ELP4: variants seen among roughly 807,000 people sequenced by gnomAD.
The protein encoded by ELP4 is elongator complex protein 4.
Under a neutral mutation model 48.9 loss-of-function variants are expected in ELP4, and 51 were observed. The ratio of observed to expected loss-of-function variants is 1.04; its 90% CI spans 0.83 to 1.32. The LOEUF (loss-of-function observed/expected upper bound fraction) is 1.32, where lower values mean the gene tolerates loss of function less well. ELP4 is among the 40% of genes most tolerant of loss of function. ELP4 has a pLI of 0.00. For synonymous variants in ELP4, 210 were observed against 189.2 expected (o/e 1.11, Z -0.90); for missense variants, 519 against 514.6 (o/e 1.01, Z -0.08).
chr11:31,522,137 G>C (rs1198667602), intron 2 of ELP4, among the ~76,000 whole-genome samples: 3 of 152,122 alleles, frequency 2.0e-5, no homozygotes, highest in African/African-American at 7.2e-5. Context: ...AACATTACAT[G>C]TAAGAGAGAA....
Position 31,790,097 on chromosome 11 carries a change from C to CAAA in ELP4, c.*6594_*6596dup, listed in dbSNP as rs1171009926. On this transcript the variant is annotated 3_prime_UTR_variant, in exon 10 of 10. Transcript: ENST00000640961. ...CATGGAATACAAATTTATAGGTTTA[C>CAAA]AAAAAAAAAAAAAAAAAAAAAAACT... The CAAA allele has an allele frequency of 0.046, 6,611 of 145,110 alleles. 1,563 individuals are homozygous for CAAA. The highest frequency in any genetic ancestry group is 0.083 in the African/African-American group (1,726 of 20,806). The allele number at this position is 145,110 out of a possible 1,614,324, so 9.0% of individuals were successfully genotyped here.
At chr11:31,725,500 G>A (rs1206100688) in intron 9 of ELP4, among the ~76,000 whole-genome samples, 1 of 152,200 alleles carries the variant, frequency 6.6e-6, no homozygotes, top group Non-Finnish European at 1.5e-5. Flanking sequence ...TGCTTGACAG[G>A]AACAGGGACA....
intron 9 of ELP4, among the ~76,000 whole-genome samples, chr11:31,776,358 G>A (rs1948248105): frequency 6.6e-6 from 1 of 152,130 alleles, no homozygotes; most frequent in South Asian, 2.1e-4. Flanking sequence ...TCACCCTAAA[G>A]TTAACCATAG....
intron 5 of ELP4, among the ~76,000 whole-genome samples, chr11:31,619,648 CCT>C (rs1267480075): frequency 2.0e-5 from 3 of 148,170 alleles, no homozygotes; most frequent in Non-Finnish European, 4.5e-5. Flanking sequence ...AAAATTTTCA[CCT>C]CTGTTTTTTA....
At chr11:31,620,494 A>G (rs1944597908) in intron 5 of ELP4, among the ~76,000 whole-genome samples, 1 of 151,976 alleles carries the variant, frequency 6.6e-6, no homozygotes, top group Admixed American at 6.6e-5. Context: ...TATGGCAGTT[A>G]TTGATAATTA....
In ELP4 at chr11:31,625,022, C is replaced by CT. The variant is rs1186607012; in HGVS notation, c.654-2077dup. On this transcript the variant is annotated intron_variant, in intron 5 of 9. Transcript: ENST00000640961. ...TCACCTGAGTCTATCTTATTGTTAGCTTTTTTTTTTTCCAATAAATAAAAG... is the reference window on the plus strand; with the variant it reads ...TCACCTGAGTCTATCTTATTGTTAGCTTTTTTTTTTTTCCAATAAATAAAAG... 1.1e-3 allele frequency among the ~76,000 whole-genome samples: 162 copies of CT among 145,316 alleles called. 1 individual carries two copies. Among genetic ancestry groups the CT allele is most frequent in the South Asian group, 2.4e-3 (11 of 4,586 alleles).
At chr11:31,611,451 C>T (rs1051352353) in intron 5 of ELP4, among the ~76,000 whole-genome samples, 6 of 152,114 alleles carry the variant, frequency 3.9e-5, no homozygotes, top group African/African-American at 1.2e-4. Flanking sequence ...AGTAAATCCA[C>T]GACCCTACAA....
chr11:31,581,589 C>T (rs529552854), intron 3 of ELP4, among the ~76,000 whole-genome samples: 13 of 152,200 alleles, frequency 8.5e-5, no homozygotes, highest in African/African-American at 3.1e-4. Flanking sequence ...TCTCTGTATT[C>T]CTTCTTGTTC....
intron 9 of ELP4, chr11:31,767,814 C>T (rs181940271): frequency 5.0e-4 from 76 of 152,262 alleles, no homozygotes; most frequent in African/African-American, 1.8e-3. Flanking sequence ...GTTAGGTCCT[C>T]ATCTCTAATC....
At chr11:31,638,947 A>G (rs117358486) in intron 7 of ELP4, among the ~76,000 whole-genome samples, 2 of 152,036 alleles carry the variant, frequency 1.3e-5, no homozygotes, top group Non-Finnish European at 2.9e-5. Flanking sequence ...TTGTGAGTTT[A>G]CAGCTATAAA....
intron 5 of ELP4, among the ~76,000 whole-genome samples, chr11:31,605,730 G>A (rs1957862867): frequency 6.6e-6 from 1 of 152,124 alleles, no homozygotes; most frequent in Non-Finnish European, 1.5e-5. Flanking sequence ...GGATTAGCAT[G>A]TGTCAAATAT....
At chr11:31,775,560 C>A (rs1447598737) in intron 9 of ELP4, among the ~76,000 whole-genome samples, 2 of 152,112 alleles carry the variant, frequency 1.3e-5, no homozygotes, top group Non-Finnish European at 2.9e-5. Context: ...GCAGGATGGA[C>A]GTGGTAACTG....
chr11:31,680,873 C>T (rs74809656), intron 9 of ELP4, among the ~76,000 whole-genome samples: 4,315 of 152,114 alleles, frequency 0.028, 204 homozygotes, highest in African/African-American at 0.099. Context: ...AACTCTGTTA[C>T]GGACTGTAAA....
At chr11:31,742,031 C>T (rs949298122) in intron 9 of ELP4, among the ~76,000 whole-genome samples, 2 of 152,066 alleles carry the variant, frequency 1.3e-5, no homozygotes, top group African/African-American at 4.8e-5. Context: ...CTAGACTAAC[C>T]AACGCAGAAA....
At chr11:31,556,573 G>A (rs1250973708) in intron 3 of ELP4, among the ~76,000 whole-genome samples, 1 of 151,730 alleles carries the variant, frequency 6.6e-6, no homozygotes, top group Non-Finnish European at 1.5e-5. Flanking sequence ...AAAATAAAAG[G>A]ATTTTCAGAA....
chr11:31,549,696 A>T (rs1469395027), intron 3 of ELP4, among the ~76,000 whole-genome samples: 4 of 152,204 alleles, frequency 2.6e-5, no homozygotes, highest in Admixed American at 1.3e-4. Flanking sequence ...ACGTATGTTT[A>T]TTGCGGCACT....
chr11:31,697,290 G>T (rs971715746), intron 9 of ELP4, among the ~76,000 whole-genome samples: 1 of 152,060 alleles, frequency 6.6e-6, no homozygotes, highest in African/African-American at 2.4e-5. Context: ...TTTCCAGTAG[G>T]ATAATAATAG....
At chr11:31,581,752 CT>C (rs111876394) in intron 3 of ELP4, among the ~76,000 whole-genome samples, 47,840 of 139,956 alleles carry the variant, frequency 0.34, 8,682 homozygotes, top group African/African-American at 0.58. Flanking sequence ...CATGTTCTGT[CT>C]TTTTTTTTTT....
At chr11:31,632,834 T>C (rs1944892132) in intron 7 of ELP4, 1 of 152,446 alleles carries the variant, frequency 6.6e-6, no homozygotes, top group Non-Finnish European at 1.5e-5. Context: ...AATGAATCAA[T>C]GTATTTCCAT....
Sources: gnomAD v4.1 joint callset for allele counts (sites outside exome capture counted in the v4.1 genomes callset) on GRCh38, gnomAD v4.1.1 for gene constraint, MANE v1.5 for transcripts, NCBI Gene and HGNC (gene_info 2026-07-23, HGNC 2026-07-21) for gene names.